ORMDL1: variants seen among roughly 807,000 people sequenced by gnomAD.
ORMDL1 encodes ORM1-like protein 1.
ORMDL1 carries 10 observed loss-of-function variants against 13.0 expected under a neutral mutation model. That is an observed-to-expected ratio of 0.77 (90% CI 0.47 to 1.30). ORMDL1 has a LOEUF of 1.30. Among genes scored for constraint, ORMDL1 ranks in the 50% most tolerant of loss-of-function variants. The pLI, the probability that ORMDL1 is intolerant of heterozygous loss-of-function variation, is 0.00. For synonymous variants in ORMDL1, 61 were observed against 63.9 expected (o/e 0.95, Z 0.22); for missense variants, 171 against 186.7 (o/e 0.92, Z 0.49).
chr2:189,766,129 C>CT (rs983768260), downstream of ORMDL1, among the ~76,000 whole-genome samples: 3 of 152,110 alleles, frequency 2.0e-5, no homozygotes, highest in Non-Finnish European at 2.9e-5. Context: ...CCAGCCCATC[C>CT]TTTCTCCTCT....
intron 3 of ORMDL1, among the ~76,000 whole-genome samples, chr2:189,781,775 A>T (rs2047841232): frequency 6.6e-6 from 1 of 152,218 alleles, no homozygotes; most frequent in Admixed American, 6.5e-5. Context: ...ATTAAGTCTT[A>T]TATACTAAAA....
intron 4 of ORMDL1, among the ~76,000 whole-genome samples, chr2:189,772,315 G>C (rs942507552): frequency 6.6e-6 from 1 of 152,134 alleles, no homozygotes; most frequent in African/African-American, 2.4e-5. Context: ...AACCTGTACT[G>C]TAAAGCTCCA....
At chr2:189,772,912 A>C (rs561571396) in intron 4 of ORMDL1, among the ~76,000 whole-genome samples, 2 of 152,316 alleles carry the variant, frequency 1.3e-5, no homozygotes, top group South Asian at 4.1e-4. Context: ...AAATTCTACA[A>C]TCTTCCACCT....
At position 189,771,636 on chromosome 2, in the gene ORMDL1, G is replaced by T; in HGVS notation, c.*131C>A. The stretch of plus-strand genomic sequence containing the variant: ...CTGCACTTCAAAACAGCACTTGAAG[G>T]ACCAGCCATTGGCCCTCCAATGTAA... On this transcript the variant is annotated 3_prime_UTR_variant, in exon 5 of 5. Coordinates refer to ENST00000392349, the MANE Select transcript of ORMDL1 (RefSeq NM_016467.5). The T allele has an allele frequency of 1.3e-6, 1 of 745,080 alleles. No individual in the cohort carries two copies. The highest frequency in any genetic ancestry group is 2.0e-6 in the Non-Finnish European group (1 of 490,200). 46.2% of individuals were successfully genotyped at this position (745,080 alleles called of 1,614,324 possible).
downstream of ORMDL1, among the ~76,000 whole-genome samples, chr2:189,767,561 CATACTTT>C (rs2047502595): frequency 6.6e-6 from 1 of 152,176 alleles, no homozygotes; most frequent in African/African-American, 2.4e-5. Context: ...AAATTCCTTT[CATACTTT>C]ATATCTTAAA....
At chr2:189,781,220 G>C (rs1212291974) in intron 3 of ORMDL1, among the ~76,000 whole-genome samples, 1 of 152,000 alleles carries the variant, frequency 6.6e-6, no homozygotes, top group Non-Finnish European at 1.5e-5. Flanking sequence ...ACCGTGACTG[G>C]CCAAAATAAA....
intron 4 of ORMDL1, chr2:189,773,893 G>A (rs1241882743): frequency 6.6e-6 from 1 of 152,044 alleles, no homozygotes; most frequent in Non-Finnish European, 1.5e-5. Flanking sequence ...ATACCTGTTG[G>A]TCAAAAATAC....
intron 4 of ORMDL1, 88 bp from the exon 5 acceptor site, chr2:189,771,990 C>A: frequency 9.9e-7 from 1 of 1,011,800 alleles, no homozygotes; most frequent in South Asian, 2.6e-5. Flanking sequence ...AAAAAAAGGC[C>A]ACTAAAGCAT....
intron 4 of ORMDL1, chr2:189,773,926 T>C (rs1390564986): frequency 6.6e-6 from 1 of 152,224 alleles, no homozygotes; most frequent in East Asian, 1.9e-4. Flanking sequence ...ATGGACACTG[T>C]ATACAGGTAC....
chr2:189,766,719 C>T (rs897313954), downstream of ORMDL1, among the ~76,000 whole-genome samples: 2 of 58,290 alleles, frequency 3.4e-5, no homozygotes, highest in African/African-American at 1.2e-4. Context: ...AGGAGACTCC[C>T]GTCTCAAAAA....
chr2:189,782,929 TTA>T (rs2106160950), intron 2 of ORMDL1, 83 bp downstream of exon 2: 1 of 204,684 alleles, frequency 4.9e-6, no homozygotes, highest in Non-Finnish European at 9.9e-6. Flanking sequence ...CTACATTTTC[TTA>T]TATCATGAGA....
At chr2:189,780,426 T>C (rs1055549145) in intron 3 of ORMDL1, among the ~76,000 whole-genome samples, 1 of 152,202 alleles carries the variant, frequency 6.6e-6, no homozygotes, top group Admixed American at 6.5e-5. Flanking sequence ...AGGATCAGAT[T>C]GTGGGTGGTA....
intron 3 of ORMDL1, among the ~76,000 whole-genome samples, chr2:189,778,859 C>T (rs879881295): frequency 1.6e-4 from 25 of 152,080 alleles, no homozygotes; most frequent in Middle Eastern, 3.4e-3. Context: ...TGCGCCACTG[C>T]ACTCCAGCCT....
intron 3 of ORMDL1, among the ~76,000 whole-genome samples, chr2:189,781,528 G>A (rs1439013765): frequency 6.6e-6 from 1 of 151,930 alleles, no homozygotes; most frequent in South Asian, 2.1e-4. Flanking sequence ...CAGCAGCTAA[G>A]GCACCATAAG....
At chr2:189,776,899 G>A (rs906249497) in intron 3 of ORMDL1, among the ~76,000 whole-genome samples, 7 of 150,286 alleles carry the variant, frequency 4.7e-5, no homozygotes, top group Non-Finnish European at 7.4e-5. Context: ...GAGATGATAA[G>A]GAAAAAAAAT....
downstream of ORMDL1, among the ~76,000 whole-genome samples, chr2:189,766,734 A>C (rs1449272355): frequency 6.7e-6 from 1 of 150,022 alleles, no homozygotes; most frequent in Non-Finnish European, 1.5e-5. Flanking sequence ...CAAAAAAAAA[A>C]AAACAAAACA....
downstream of ORMDL1, among the ~76,000 whole-genome samples, chr2:189,768,491 A>G (rs973776867): frequency 6.6e-6 from 1 of 152,234 alleles, no homozygotes; most frequent in Non-Finnish European, 1.5e-5. Context: ...ATTCAGCTTT[A>G]GCTAGACAAG....
downstream of ORMDL1, among the ~76,000 whole-genome samples, chr2:189,767,580 CTA>C (rs2047503128): frequency 6.6e-6 from 1 of 152,174 alleles, no homozygotes; most frequent in African/African-American, 2.4e-5. Flanking sequence ...TATCTTAAAA[CTA>C]TTTTACAATG....
Position 189,782,490 on chromosome 2 carries a change from C to T in ORMDL1, c.106G>A (p.Val36Ile). ...YALGVGLLHIVLLSIPFFSVP... is the reference protein window; with the variant it reads ...YALGVGLLHIILLSIPFFSVP... ...CTGAAGAAGGGAATGCTGAGTAAGA[C>T]AATATGAAGCAAGCCAACTCCCAAT... The change falls in exon 3 of 5, where the codon GTC becomes ATC. Residue 36 changes from valine (V) to isoleucine (I), a missense_variant. By Grantham distance (29) the Val-to-Ile change is conservative. Coordinates refer to ENST00000392349, the MANE Select transcript of ORMDL1 (RefSeq NM_016467.5). The T allele has an allele frequency of 6.2e-7, 1 of 1,614,140 alleles. No individual in the cohort carries two copies. The highest frequency in any genetic ancestry group is 8.5e-7 in the Non-Finnish European group (1 of 1,180,008).
Sources: allele counts gnomAD v4.1 joint callset (sites outside exome capture counted in the v4.1 genomes callset), GRCh38; gene constraint gnomAD v4.1.1; transcripts MANE v1.5; gene names NCBI Gene and HGNC (gene_info 2026-07-23, HGNC 2026-07-21).